Variants in ZNF362 observed in about 807,000 individuals in gnomAD.
ZNF362 encodes zinc finger protein 362.
Under a neutral mutation model 42.9 loss-of-function variants are expected in ZNF362, and 11 were observed. That is an observed-to-expected ratio of 0.26 (90% CI 0.16 to 0.42). ZNF362 has a LOEUF of 0.42. Among genes scored for constraint, ZNF362 ranks in the 20% least tolerant of loss-of-function variants. The pLI, the probability that ZNF362 is intolerant of heterozygous loss-of-function variation, is 1.00. For synonymous variants in ZNF362, 255 were observed against 257.3 expected, an observed-to-expected ratio of 0.99 and a Z score of 0.09; for missense variants, 362 against 576.2, an observed-to-expected ratio of 0.63 and a Z score of 3.81.
chr1:33,232,823 C>T, the ZNF362 span, among the ~76,000 whole-genome samples: 1 of 152,174 alleles, frequency 6.6e-6, no homozygotes, highest in Non-Finnish European at 1.5e-5. Context: ...GCACACGGCA[C>T]CACTCCTGTG....
At chr1:33,158,716 T>C in the ZNF362 span, among the ~76,000 whole-genome samples, 1 of 152,214 alleles carries the variant, frequency 6.6e-6, no homozygotes, top group Admixed American at 6.5e-5. Context: ...AATGACTAAG[T>C]GTTATTACTA....
At chr1:33,231,512 A>G in the ZNF362 span, among the ~76,000 whole-genome samples, 2 of 152,134 alleles carry the variant, frequency 1.3e-5, no homozygotes, top group African/African-American at 4.8e-5. Context: ...ATACCTGTGG[A>G]ATCCACAGTC....
the ZNF362 span, among the ~76,000 whole-genome samples, chr1:33,241,011 C>G: frequency 6.6e-6 from 1 of 152,062 alleles, no homozygotes; most frequent in Non-Finnish European, 1.5e-5. Context: ...GAAAAGTGAA[C>G]CCCAACCTTT....
chr1:33,277,112 G>C (rs1402929925), intron 4 of ZNF362, among the ~76,000 whole-genome samples: 2 of 152,254 alleles, frequency 1.3e-5, no homozygotes, highest in Non-Finnish European at 2.9e-5. Flanking sequence ...ATGACAGCTA[G>C]CTCCAGTCGA....
rs765103150 is a variant in ZNF362 at position 33,280,377 on chromosome 1, C to T, written c.603C>T (p.Asn201=). ...ERGRKKIKAE[N]PGGPPVLVVP... is the part of the protein sequence containing the mutation. ...GCCGCAAAAAGATCAAGGCGGAGAA[C>T]CCGGGGGGTCCGCCTGTCCTTGTAG... The change falls in exon 5 of 9, where the codon AAC becomes AAT. Residue 201 remains asparagine, a synonymous_variant. Transcript: ENST00000539719. This position sits in a 1 kb window ranked among gnomAD's most constrained non-coding sequence, Gnocchi z 5.6. 6 of 1,613,792 alleles carry T rather than the reference C, an allele frequency of 3.7e-6. No homozygotes were observed. The highest frequency in any genetic ancestry group is 5.1e-6 in the Non-Finnish European group (6 of 1,179,888).
chr1:33,292,619 G>A (rs567619335), intron 6 of ZNF362, among the ~76,000 whole-genome samples: 1 of 152,214 alleles, frequency 6.6e-6, no homozygotes, highest in Admixed American at 6.5e-5. Context: ...TTTTTCTATT[G>A]ATTGGAATAG....
chr1:33,193,844 G>A, the ZNF362 span, among the ~76,000 whole-genome samples: 1 of 152,272 alleles, frequency 6.6e-6, no homozygotes, highest in South Asian at 2.1e-4. Context: ...ACTAAAAAAC[G>A]GAGGCATATC....
chr1:33,169,245 C>T, the ZNF362 span, among the ~76,000 whole-genome samples: 1 of 152,086 alleles, frequency 6.6e-6, no homozygotes, highest in East Asian at 1.9e-4. Context: ...CCCCATATTC[C>T]CCATCTCAGT....
the ZNF362 span, among the ~76,000 whole-genome samples, chr1:33,203,780 T>C: frequency 6.6e-6 from 1 of 152,216 alleles, no homozygotes; most frequent in African/African-American, 2.4e-5. Flanking sequence ...TTTGAAGAAA[T>C]GTCTTTTCAG....
At chr1:33,156,039 T>C in the ZNF362 span, among the ~76,000 whole-genome samples, 2 of 152,180 alleles carry the variant, frequency 1.3e-5, no homozygotes, top group Non-Finnish European at 2.9e-5. Flanking sequence ...TGCCCACTTA[T>C]TCTACTTTCT....
chr1:33,231,536 C>T, the ZNF362 span, among the ~76,000 whole-genome samples: 2,273 of 152,270 alleles, frequency 0.015, 59 homozygotes, highest in African/African-American at 0.052. Context: ...GATCTCCCTG[C>T]TGGGGTCAAG....
At chr1:33,149,459 A>T in the ZNF362 span, among the ~76,000 whole-genome samples, 121 of 135,564 alleles carry the variant, frequency 8.9e-4, 1 homozygote, top group Admixed American at 3.2e-3. Context: ...GGATTCTTTT[A>T]AAAAAAAAAA....
chr1:33,150,674 C>T, the ZNF362 span, among the ~76,000 whole-genome samples: 2 of 152,214 alleles, frequency 1.3e-5, no homozygotes, highest in Admixed American at 1.3e-4. Flanking sequence ...GGCAGCTTGT[C>T]AGAACCAGGG....
chr1:33,184,806 A>G, the ZNF362 span, among the ~76,000 whole-genome samples: 1 of 152,186 alleles, frequency 6.6e-6, no homozygotes, highest in Non-Finnish European at 1.5e-5. Context: ...TTTGAGATGG[A>G]GTCTCGCTCT....
At chr1:33,219,569 A>G in the ZNF362 span, among the ~76,000 whole-genome samples, 1 of 152,198 alleles carries the variant, frequency 6.6e-6, no homozygotes, top group East Asian at 1.9e-4. Context: ...AAAGGCCAGC[A>G]CATGGCCGTG....
intron 1 of ZNF362, among the ~76,000 whole-genome samples, chr1:33,267,241 C>A (rs1355747268): frequency 1.3e-5 from 2 of 152,176 alleles, no homozygotes; most frequent in Non-Finnish European, 2.9e-5. Flanking sequence ...TAAGAATACT[C>A]TTCCAGGCCT....
chr1:33,214,361 A>G, the ZNF362 span, among the ~76,000 whole-genome samples: 1 of 152,226 alleles, frequency 6.6e-6, no homozygotes, highest in Non-Finnish European at 1.5e-5. Flanking sequence ...TGGATTAAAG[A>G]CTTAAATCTA....
At chr1:33,270,186 A>G (rs901067914) in intron 1 of ZNF362, among the ~76,000 whole-genome samples, 2 of 152,132 alleles carry the variant, frequency 1.3e-5, no homozygotes, top group Non-Finnish European at 2.9e-5. Context: ...CACCAACCCT[A>G]CTTGTGAAGA....
At chr1:33,148,761 C>T in the ZNF362 span, among the ~76,000 whole-genome samples, 2 of 152,282 alleles carry the variant, frequency 1.3e-5, no homozygotes, top group African/African-American at 4.8e-5. Context: ...AGATATTACA[C>T]ATGATTTGTT....
Sources: gnomAD v4.1 joint callset for allele counts (sites outside exome capture counted in the v4.1 genomes callset) on GRCh38, gnomAD v4.1.1 for gene constraint, Gnocchi (gnomAD v3.1) non-coding constraint, MANE v1.5 for transcripts, NCBI Gene and HGNC (gene_info 2026-07-23, HGNC 2026-07-21) for gene names.